The following USH2A variants were observed in gnomAD, a reference collection of about 807,000 sequenced individuals.
USH2A encodes the protein usherin, also known as Usher syndrome 2A (autosomal recessive, mild).
USH2A carries 443 observed loss-of-function variants against 538.9 expected under a neutral mutation model. The observed-to-expected ratio is 0.82, with a 90% confidence interval of 0.76 to 0.89. USH2A has a LOEUF of 0.89. Among genes scored for constraint, USH2A ranks in the 40% least tolerant of loss-of-function variants. USH2A has a pLI of 0.00. For synonymous variants in USH2A, 2,413 were observed against 2,273.5 expected (o/e 1.06, Z -1.75); for missense variants, 6,633 against 6,324.8 (o/e 1.05, Z -1.65).
chr1:216,200,684 T>C lies in USH2A; in HGVS notation c.3317-563A>G, dbSNP rs138728274. On this transcript the variant is annotated intron_variant, in intron 16 of 71. Transcript: ENST00000307340. The stretch of plus-strand genomic sequence containing the variant: ...AAGTTTTAGATAAGCAGGACTTCTA[T>C]GCATGAAGGATTGTGAGGGCAAAGA... Among the ~76,000 whole-genome samples the C allele has an allele frequency of 3.2e-3, 483 of 152,340 alleles. 1 individual carries two copies. The highest frequency in any genetic ancestry group is 4.4e-3 in the Admixed American group (67 of 15,300).
chr1:215,934,388 C>T (rs1298394908), intron 38 of USH2A, among the ~76,000 whole-genome samples: 2 of 151,808 alleles, frequency 1.3e-5, no homozygotes, highest in African/African-American at 4.8e-5. Context: ...CACACACATA[C>T]ACACAGTGTG....
At chr1:216,358,030 T>C (rs942397163) in intron 4 of USH2A, among the ~76,000 whole-genome samples, 1 of 152,166 alleles carries the variant, frequency 6.6e-6, no homozygotes, top group African/African-American at 2.4e-5. Flanking sequence ...ATACCATTAA[T>C]AAGGATAAAT....
At position 216,175,275 on chromosome 1, in the gene USH2A, T is replaced by C. The variant is rs1392389263; in HGVS notation, c.4604A>G (p.His1535Arg). Residue 1535 changes from histidine to arginine, a missense_variant, in exon 21 of 72, where the codon CAC (histidine) becomes CGC (arginine). By Grantham distance (29) the His-to-Arg change is conservative (BLOSUM62 0). Transcript: ENST00000307340. Reference protein sequence around the residue: ...NGYCKFPSSTHPVNTDFTGIK... With the variant: ...NGYCKFPSSTRPVNTDFTGIK... ...ACCAGTGAAGTCTGTATTGACTGGG[T>C]GAGTGGAGCTGGGAAATTTACAATA... 1.2e-6 allele frequency: 2 copies of C among 1,613,548 alleles called. No individual in the cohort carries two copies. Among genetic ancestry groups the C allele is most frequent in the African/African-American group, 1.3e-5 (1 of 74,898 alleles).
chr1:216,365,153 G>T (rs963724618), intron 3 of USH2A, 68 bp from the exon 4 acceptor site: 8 of 1,538,582 alleles, frequency 5.2e-6, no homozygotes, highest in Non-Finnish European at 5.3e-6. Flanking sequence ...ACACATTTCA[G>T]CAGTTTTTAT....
chr1:216,073,096 C>T lies in USH2A; in HGVS notation c.5776+1G>A, dbSNP rs876657731. 13 of 1,613,696 alleles carry T rather than the reference C, an allele frequency of 8.1e-6. No individual in the cohort carries two copies. Among genetic ancestry groups the T allele is most frequent in the Middle Eastern group, 3.3e-4 (2 of 6,056 alleles). On this transcript the variant is annotated splice_donor_variant, in intron 28 of 71. Coordinates refer to ENST00000307340, the MANE Select transcript of USH2A (RefSeq NM_206933.4). LOFTEE classifies it high-confidence loss of function. ...TTTAATTTAGAGGACCTCCACATTA[C>T]CTGTAAAAGGCTGGAGACCACCCTC...
chr1:215,853,909 A>G (rs1400604928), intron 44 of USH2A, among the ~76,000 whole-genome samples: 4 of 152,310 alleles, frequency 2.6e-5, no homozygotes, highest in South Asian at 2.1e-4. Flanking sequence ...GGGAGTTCCA[A>G]ACTTTCCCAC....
At chr1:216,159,642 G>A (rs1010378514) in intron 21 of USH2A, among the ~76,000 whole-genome samples, 7 of 151,488 alleles carry the variant, frequency 4.6e-5, no homozygotes, top group Non-Finnish European at 8.8e-5. Context: ...TTCTTTGTCA[G>A]ATTTTAGTGT....
intron 15 of USH2A, among the ~76,000 whole-genome samples, chr1:216,214,681 A>C (rs2035309467): frequency 6.6e-6 from 1 of 152,062 alleles, no homozygotes; most frequent in Admixed American, 6.6e-5. Context: ...TAAAATTGTT[A>C]AATATATAAT....
intron 21 of USH2A, among the ~76,000 whole-genome samples, chr1:216,113,453 G>A (rs1351662823): frequency 6.6e-6 from 1 of 152,120 alleles, no homozygotes; most frequent in Admixed American, 6.5e-5. Context: ...CTAGCATCAG[G>A]AATAGTTTGG....
At chr1:215,830,088 A>T (rs1663269293) in intron 47 of USH2A, among the ~76,000 whole-genome samples, 1 of 152,214 alleles carries the variant, frequency 6.6e-6, no homozygotes, top group South Asian at 2.1e-4. Flanking sequence ...AATGAATGTT[A>T]CAGGGTGAGT....
chr1:216,194,810 G>A (rs1041806257), intron 19 of USH2A, among the ~76,000 whole-genome samples: 1 of 152,090 alleles, frequency 6.6e-6, no homozygotes, highest in Non-Finnish European at 1.5e-5. Context: ...AATTTACTGA[G>A]TAATATGGAA....
At chr1:216,325,094 A>G (rs1400270861) in intron 6 of USH2A, among the ~76,000 whole-genome samples, 1 of 152,122 alleles carries the variant, frequency 6.6e-6, no homozygotes, top group Non-Finnish European at 1.5e-5. Context: ...AAGCCAAGTA[A>G]CACCAAGGGC....
chr1:215,836,366 G>A (rs954387926), intron 47 of USH2A, among the ~76,000 whole-genome samples: 1 of 139,722 alleles, frequency 7.2e-6, no homozygotes, highest in Non-Finnish European at 1.5e-5. Flanking sequence ...TTTATTTAGG[G>A]GAGTATCTTC....
At chr1:215,768,118 C>A (rs1237238847) in intron 55 of USH2A, among the ~76,000 whole-genome samples, 1 of 152,108 alleles carries the variant, frequency 6.6e-6, no homozygotes, top group Admixed American at 6.6e-5. Flanking sequence ...TCCTCAAATA[C>A]TACATTTTAA....
At chr1:216,370,317 C>T (rs1181256780) in intron 3 of USH2A, among the ~76,000 whole-genome samples, 4 of 151,676 alleles carry the variant, frequency 2.6e-5, no homozygotes, top group Non-Finnish European at 5.9e-5. Flanking sequence ...GCCGACATCA[C>T]GCCACTGCAC....
chr1:216,058,662 T>A (rs1291264277), intron 30 of USH2A, among the ~76,000 whole-genome samples: 2 of 152,070 alleles, frequency 1.3e-5, no homozygotes, highest in African/African-American at 2.4e-5. Context: ...CAAATATACA[T>A]TTAAGTTGTG....
chr1:215,924,951 T>C (rs901962776), intron 38 of USH2A, among the ~76,000 whole-genome samples: 1 of 152,074 alleles, frequency 6.6e-6, no homozygotes, highest in Non-Finnish European at 1.5e-5. Flanking sequence ...ACTTCAAAGT[T>C]TCCTTCCCTC....
At chr1:216,303,155 T>C (rs2037245853) in intron 9 of USH2A, among the ~76,000 whole-genome samples, 1 of 152,000 alleles carries the variant, frequency 6.6e-6, no homozygotes, top group Non-Finnish European at 1.5e-5. Flanking sequence ...ACACACCACG[T>C]TCCCTTAAGA....
At chr1:216,282,734 A>C (rs752751596) in intron 11 of USH2A, among the ~76,000 whole-genome samples, 2 of 152,134 alleles carry the variant, frequency 1.3e-5, no homozygotes, top group Non-Finnish European at 2.9e-5. Context: ...TTAGGATCAT[A>C]TGGTCAATGT....
Sources: allele counts gnomAD v4.1 joint callset (sites outside exome capture counted in the v4.1 genomes callset), GRCh38; gene constraint gnomAD v4.1.1; transcripts MANE v1.5; gene names NCBI Gene and HGNC (gene_info 2026-07-23, HGNC 2026-07-21).